The following SYT9 variants were observed in gnomAD, a reference collection of about 807,000 sequenced individuals.
SYT9 encodes synaptotagmin 9.
Under a neutral mutation model 48.4 loss-of-function variants are expected in SYT9, and 22 were observed. The ratio of observed to expected loss-of-function variants is 0.45; its 90% confidence interval spans 0.32 to 0.65. SYT9 has a LOEUF of 0.65. Among genes scored for constraint, SYT9 ranks in the 30% least tolerant of loss-of-function variants. The pLI, the probability that SYT9 is intolerant of heterozygous loss-of-function variation, is 0.03. For synonymous variants in SYT9, 265 were observed against 245.0 expected (o/e 1.08, Z -0.76); for missense variants, 577 against 622.0 (o/e 0.93, Z 0.77).
At chr11:7,363,865 G>C (rs913439404) in intron 3 of SYT9, among the ~76,000 whole-genome samples, 2 of 152,034 alleles carry the variant, frequency 1.3e-5, no homozygotes, top group Non-Finnish European at 2.9e-5. Flanking sequence ...AGAGCCCTTG[G>C]TGCCTGTCCC....
chr11:7,387,041 C>T (rs1036336342), intron 3 of SYT9, among the ~76,000 whole-genome samples: 3 of 152,070 alleles, frequency 2.0e-5, no homozygotes, highest in Admixed American at 6.5e-5. Context: ...AGCAAACTAT[C>T]GCAAGGACAA....
chr11:7,384,864 C>T (rs1850628095), intron 3 of SYT9, among the ~76,000 whole-genome samples: 1 of 152,122 alleles, frequency 6.6e-6, no homozygotes, highest in South Asian at 2.1e-4. Flanking sequence ...CTTGCCCTTC[C>T]TCAAATGCAG....
At chr11:7,461,565 G>T (rs1433022579) in intron 6 of SYT9, among the ~76,000 whole-genome samples, 1 of 152,100 alleles carries the variant, frequency 6.6e-6, no homozygotes, top group Non-Finnish European at 1.5e-5. Flanking sequence ...TAGAGACGAG[G>T]TTTCACCATG....
At chr11:7,458,500 AT>A (rs757776084) in intron 6 of SYT9, among the ~76,000 whole-genome samples, 5 of 126,514 alleles carry the variant, frequency 4.0e-5, no homozygotes, top group Non-Finnish European at 6.7e-5. Flanking sequence ...TAATTAATTA[AT>A]TTAATTTAAT....
At chr11:7,263,403 G>C (rs1171842889) in intron 1 of SYT9, among the ~76,000 whole-genome samples, 1 of 152,116 alleles carries the variant, frequency 6.6e-6, no homozygotes, top group Admixed American at 6.5e-5. Context: ...CTTCCCCAAA[G>C]GCCCCAACTC....
chr11:7,274,471 C>T (rs911472874), intron 1 of SYT9, among the ~76,000 whole-genome samples: 3 of 152,036 alleles, frequency 2.0e-5, no homozygotes, highest in African/African-American at 7.2e-5. Flanking sequence ...TGTGCACCAC[C>T]ATGCCCAGCT....
At chr11:7,320,618 C>T (rs574668125) in intron 3 of SYT9, among the ~76,000 whole-genome samples, 1 of 152,280 alleles carries the variant, frequency 6.6e-6, no homozygotes, top group African/African-American at 2.4e-5. Context: ...CTAGGGACTG[C>T]TTGAGTTGGA....
At chr11:7,415,899 G>C (rs1229620940) in intron 3 of SYT9, 143 bp from the exon 4 acceptor site, 39 of 1,017,144 alleles carry the variant, frequency 3.8e-5, no homozygotes, top group Non-Finnish European at 5.6e-5. Context: ...CCCTGTGACT[G>C]ACATGAACGG....
chr11:7,319,792 C>T (rs1227549977), intron 3 of SYT9, among the ~76,000 whole-genome samples: 3 of 152,146 alleles, frequency 2.0e-5, no homozygotes, highest in African/African-American at 7.2e-5. Context: ...CCTCTGAATG[C>T]CAGAAGCTAA....
chr11:7,334,482 T>C (rs1849599195), intron 3 of SYT9, among the ~76,000 whole-genome samples: 1 of 152,210 alleles, frequency 6.6e-6, no homozygotes, highest in African/African-American at 2.4e-5. Flanking sequence ...TAATTGTATG[T>C]AATTAACTGC....
intron 3 of SYT9, among the ~76,000 whole-genome samples, chr11:7,387,234 A>G (rs1009287578): frequency 3.9e-5 from 6 of 152,162 alleles, no homozygotes; most frequent in Admixed American, 2.0e-4. Flanking sequence ...GGTGCAGCAT[A>G]CCAACATGGT....
chr11:7,343,636 A>T (rs1461172000), intron 3 of SYT9, among the ~76,000 whole-genome samples: 2 of 152,038 alleles, frequency 1.3e-5, no homozygotes, highest in Non-Finnish European at 1.5e-5. Context: ...GAGCCCTCCA[A>T]ACTGTTCCAA....
chr11:7,324,612 A>G (rs574233640), intron 3 of SYT9, among the ~76,000 whole-genome samples: 5 of 151,910 alleles, frequency 3.3e-5, no homozygotes, highest in Non-Finnish European at 7.4e-5. Flanking sequence ...ATTTTTATCT[A>G]AGCATCTTCT....
intron 3 of SYT9, among the ~76,000 whole-genome samples, chr11:7,379,873 G>C (rs998447598): frequency 6.6e-6 from 1 of 152,116 alleles, no homozygotes; most frequent in Non-Finnish European, 1.5e-5. Context: ...ACTATGGAGA[G>C]CAGTTTGGAG....
chr11:7,440,086 C>G (rs4072143), intron 6 of SYT9: 18,830 of 152,210 alleles, frequency 0.12, 1,279 homozygotes, highest in East Asian at 0.21. Flanking sequence ...CACTGAACTG[C>G]CTTGATTCAG....
intron 3 of SYT9, among the ~76,000 whole-genome samples, chr11:7,412,363 A>G (rs1415066962): frequency 2.6e-5 from 4 of 152,206 alleles, no homozygotes; most frequent in Non-Finnish European, 5.9e-5. Flanking sequence ...AAGATTATCT[A>G]TGATGTTGGT....
At chr11:7,416,021 T>C (rs1339451120) in intron 3 of SYT9, 21 bp from the exon 4 acceptor site, 3 of 1,614,022 alleles carry the variant, frequency 1.9e-6, no homozygotes, top group Admixed American at 1.7e-5. Flanking sequence ...TCTAATACTT[T>C]AGTTTGTGCT....
At position 7,448,464 on chromosome 11, in the gene SYT9, C is replaced by T. The variant is rs937309916; in HGVS notation, c.1468-18328C>T. ...TGCTGCGGCTCGCCTCAAGGCGGAACGGGGTAGCAGCACACACCTCCTGTT... is the reference window on the plus strand; with the variant it reads ...TGCTGCGGCTCGCCTCAAGGCGGAATGGGGTAGCAGCACACACCTCCTGTT... On this transcript the variant is annotated intron_variant, in intron 6 of 6. Coordinates refer to ENST00000318881, the MANE Select transcript of SYT9 (RefSeq NM_175733.4). 3.3e-5 allele frequency among the ~76,000 whole-genome samples: 5 copies of T among 152,340 alleles called. No homozygotes were observed. The East Asian group carries it at 5.8e-4, about 18-fold the overall frequency.
In SYT9 at chr11:7,450,683, A is replaced by G. The variant is rs4075053; in HGVS notation, c.1468-16109A>G. Among the ~76,000 whole-genome samples the G allele has an allele frequency of 8.7e-3, 1,321 of 152,348 alleles. 20 individuals carry two copies. The highest frequency in any genetic ancestry group is 0.03 in the African/African-American group (1,261 of 41,574). On this transcript the variant is annotated intron_variant, in intron 6 of 6. Transcript: ENST00000318881. Reference sequence around the variant, plus strand: ...GCGGACTTACTTCTCTCCACCTGTTAGGAAAGGCTTTCTCTCTTCATTATT... The same window carrying G: ...GCGGACTTACTTCTCTCCACCTGTTGGGAAAGGCTTTCTCTCTTCATTATT...
Sources: allele counts gnomAD v4.1 joint callset (sites outside exome capture counted in the v4.1 genomes callset), GRCh38; gene constraint gnomAD v4.1.1; transcripts MANE v1.5; gene names NCBI Gene and HGNC (gene_info 2026-07-23, HGNC 2026-07-21).